The following MRC2 variants were observed in gnomAD, a reference collection of about 807,000 sequenced individuals.
MRC2 encodes C-type mannose receptor 2.
MRC2 carries 84 observed loss-of-function variants against 206.2 expected under a neutral mutation model. That is an observed-to-expected ratio of 0.41 (90% confidence interval 0.34 to 0.49). The LOEUF (loss-of-function observed/expected upper bound fraction) is 0.49. MRC2 is among the 20% of genes least tolerant of loss of function. The probability of loss-of-function intolerance (pLI) is 0.31; values close to 1 mark genes in which losing one functional copy is unlikely to be tolerated. For missense variants in MRC2, 1,676 were observed against 2,001.5 expected (o/e 0.84, Z 3.10); for synonymous variants, 798 against 800.0 (o/e 1.00, Z 0.04).
intron 1 of MRC2, among the ~76,000 whole-genome samples, chr17:62,639,778 C>A (rs1219318528): frequency 6.6e-6 from 1 of 152,140 alleles, no homozygotes; most frequent in African/African-American, 2.4e-5. Flanking sequence ...GCTTGAGCCA[C>A]AGCCTTTAGT....
chr17:62,649,723 T>C (rs1325813035), intron 1 of MRC2, among the ~76,000 whole-genome samples: 6 of 152,186 alleles, frequency 3.9e-5, no homozygotes, highest in Admixed American at 2.0e-4. Flanking sequence ...CTCAGTCATA[T>C]TGTGCTGTGC....
At chr17:62,651,536 T>C (rs1409294325) in intron 1 of MRC2, among the ~76,000 whole-genome samples, 1 of 152,202 alleles carries the variant, frequency 6.6e-6, no homozygotes, top group African/African-American at 2.4e-5. Flanking sequence ...CAAGTGTTAC[T>C]TGAAAGACCA....
At chr17:62,685,656 C>T (rs1232061702) in intron 20 of MRC2, among the ~76,000 whole-genome samples, 1 of 152,140 alleles carries the variant, frequency 6.6e-6, no homozygotes, top group African/African-American at 2.4e-5. Context: ...CCTCCTGCCT[C>T]AGCCTCCTGA....
Position 62,671,614 on chromosome 17 carries a change from C to A in MRC2, c.1118-35C>A. 1.3e-6 allele frequency: 2 copies of A among 1,524,094 alleles called. No individual in the cohort carries two copies. Among genetic ancestry groups the A allele is most frequent in the Non-Finnish European group, 1.8e-6 (2 of 1,134,110 alleles). The allele number at this position is 1,524,094 out of a possible 1,614,324, so 94.4% of individuals were successfully genotyped here. A position where few individuals can be genotyped will look rare whatever the true frequency, so the allele number is the denominator to read the frequency against. On this transcript the variant is annotated intron_variant, in intron 6 of 29. Transcript: ENST00000303375. This position sits in a 1 kb window ranked among gnomAD's most constrained non-coding sequence, Gnocchi z 4.5. ...GGGTTGGTTCCCAGACTGGGCGGCT[C>A]AGTCCCTGAGCAGCAGCCTCATGGG...
chr17:62,689,911 C>T lies in MRC2; in HGVS notation c.3591C>T (p.Ser1197=), dbSNP rs757216868. 6.2e-7 allele frequency: 1 copy of T among 1,600,576 alleles called. No individual in the cohort carries two copies. Among genetic ancestry groups the T allele is most frequent in the Non-Finnish European group, 8.5e-7 (1 of 1,174,812 alleles). Residue 1197 remains serine (S), a synonymous_variant, in exon 25 of 30, where the codon TCC becomes TCT. Coordinates refer to ENST00000303375, the MANE Select transcript of MRC2 (RefSeq NM_006039.5). ...LAGEEGSRRY[S]WVSEEPLNYV... is the part of the protein sequence containing the mutation. ...ATGCCCAGGGCTCTCGGCGGTACTC[C>T]TGGGTCTCAGAGGAGCCGCTGAACT...
chr17:62,648,669 A>G (rs2088519850), intron 1 of MRC2, among the ~76,000 whole-genome samples: 1 of 152,202 alleles, frequency 6.6e-6, no homozygotes, highest in Non-Finnish European at 1.5e-5. Context: ...AGACAGAAAC[A>G]TATGGTGGTG....
At position 62,680,087 on chromosome 17, in the gene MRC2, G is replaced by A; in HGVS notation, c.2299-83G>A. 6.3e-7 allele frequency: 1 copy of A among 1,588,910 alleles called. No individual in the cohort carries two copies. Among genetic ancestry groups the A allele is most frequent in the East Asian group, 2.2e-5 (1 of 44,664 alleles). On this transcript the variant is annotated intron_variant, in intron 14 of 29. Coordinates refer to ENST00000303375, the MANE Select transcript of MRC2 (RefSeq NM_006039.5). This position sits in a 1 kb window ranked among gnomAD's most constrained non-coding sequence, Gnocchi z 4.8. ...GGTGAGAATTCGCAGCTCAGGCCAG[G>A]CCTCTTGTTCACCTGTTCCGGGCAT...
chr17:62,677,587 C>A, intron 12 of MRC2, 101 bp downstream of exon 12: 1 of 1,053,414 alleles, frequency 9.5e-7, no homozygotes, highest in Non-Finnish European at 1.4e-6. Flanking sequence ...TCCAGAGACA[C>A]ACCAGGCTGC....
intron 20 of MRC2, among the ~76,000 whole-genome samples, chr17:62,683,337 A>G (rs2147485853): frequency 6.6e-6 from 1 of 151,858 alleles, no homozygotes; most frequent in Non-Finnish European, 1.5e-5. Flanking sequence ...GTGTGGTGGC[A>G]CATGCCTGTA....
intron 1 of MRC2, among the ~76,000 whole-genome samples, chr17:62,635,525 CTAGTTGCCTT>C (rs2088303131): frequency 6.6e-6 from 1 of 152,066 alleles, no homozygotes; most frequent in Non-Finnish European, 1.5e-5. Flanking sequence ...CTTTTTGCCT[CTAGTTGCCTT>C]TAGCCTACTG....
At chr17:62,674,001 A>G in intron 8 of MRC2, 62 bp from the exon 9 acceptor site, 1 of 1,306,426 alleles carries the variant, frequency 7.7e-7, no homozygotes, top group Non-Finnish European at 1.1e-6. Context: ...AGATTCCAAG[A>G]AGGATTTGGG....
At chr17:62,660,020 G>A (rs1205721432) in intron 1 of MRC2, among the ~76,000 whole-genome samples, 1 of 152,202 alleles carries the variant, frequency 6.6e-6, no homozygotes, top group Non-Finnish European at 1.5e-5. Flanking sequence ...GTCAGATAGC[G>A]AGTTCTGGTT....
chr17:62,664,864 C>T lies in MRC2; in HGVS notation c.435C>T (p.Gly145=), dbSNP rs1380720903. ...GARTSNISKP[G]TLERGDQTRS... ...GCACCAGCAACATATCCAAGCCTGG[C>T]ACCCTTGAGCGTGGTGACCAGACCC... The change falls in exon 2 of 30, where the codon GGC becomes GGT. Residue 145 remains glycine, a synonymous_variant. Transcript: ENST00000303375. The surrounding 1 kb of genome is among the most constrained non-coding windows in gnomAD (Gnocchi z 4.7). 1 of 1,613,658 alleles carries T rather than the reference C, an allele frequency of 6.2e-7. No individual in the cohort carries two copies. Among genetic ancestry groups the T allele is most frequent in the Non-Finnish European group, 8.5e-7 (1 of 1,180,038 alleles).
In MRC2 at chr17:62,664,060, C is replaced by T. The variant is rs538933088; in HGVS notation, c.119-488C>T. 1.3e-5 allele frequency among the ~76,000 whole-genome samples: 2 copies of T among 149,288 alleles called. No individual in the cohort carries two copies. The highest frequency in any genetic ancestry group is 2.1e-4 in the South Asian group (1 of 4,672). ...CTGCAAGCTCCGCCTCCCGGGTTCACGCCATTCTCCTGCCTCAGCCTCCCA... is the reference window on the plus strand; with the variant it reads ...CTGCAAGCTCCGCCTCCCGGGTTCATGCCATTCTCCTGCCTCAGCCTCCCA... On this transcript the variant is annotated intron_variant, in intron 1 of 29. Transcript: ENST00000303375. This position sits in a 1 kb window ranked among gnomAD's most constrained non-coding sequence, Gnocchi z 4.7.
rs760384530 is a variant in MRC2 at position 62,692,250 on chromosome 17, G to A, written c.4239G>A (p.Ala1413=). The change falls in exon 30 of 30, where the codon GCG becomes GCA. Residue 1413 remains alanine, a synonymous_variant. Coordinates refer to ENST00000303375, the MANE Select transcript of MRC2 (RefSeq NM_006039.5). This position sits in a 1 kb window ranked among gnomAD's most constrained non-coding sequence, Gnocchi z 4.2. ...TGGCAGCGCTTCCAGAGAACCCAGC[G>A]GCCCTGGTGGTGGTGCTGATGGCGG... ...FSPSALPENP[A]ALVVVLMAVL... is the part of the protein sequence containing the mutation. 5.6e-6 allele frequency: 9 copies of A among 1,609,622 alleles called. No individual in the cohort carries two copies. Among genetic ancestry groups the A allele is most frequent in the Admixed American group, 5.1e-5 (3 of 59,398 alleles).
At chr17:62,647,436 C>A (rs1404525587) in intron 1 of MRC2, among the ~76,000 whole-genome samples, 2 of 151,906 alleles carry the variant, frequency 1.3e-5, no homozygotes, top group Non-Finnish European at 2.9e-5. Context: ...CCACCCGCCT[C>A]GGCCTCCTGA....
chr17:62,690,507 C>T (rs2089094410), intron 26 of MRC2, 135 bp from the exon 27 acceptor site: 3 of 1,386,858 alleles, frequency 2.2e-6, no homozygotes, highest in Admixed American at 2.3e-5. Context: ...CACATGTGCA[C>T]ACACACACAC....
intron 1 of MRC2, among the ~76,000 whole-genome samples, chr17:62,653,510 T>C (rs2147451659): frequency 6.6e-6 from 1 of 152,248 alleles, no homozygotes; most frequent in South Asian, 2.1e-4. Flanking sequence ...AGAGTGTGAT[T>C]TAATGTCTTC....
At position 62,692,875 on chromosome 17, in the gene MRC2, T is replaced by C; in HGVS notation, c.*424T>C. ...GATCTGTTGTGTCTCTCTTCCCACC[T>C]GGCAGCCTCAGCTCTGTGCCCCTCA... On this transcript the variant is annotated 3_prime_UTR_variant, in exon 30 of 30. Transcript: ENST00000303375. This position sits in a 1 kb window ranked among gnomAD's most constrained non-coding sequence, Gnocchi z 4.2. 1 of 179,738 alleles carries C rather than the reference T, an allele frequency of 5.6e-6. No individual in the cohort carries two copies. Among genetic ancestry groups the C allele is most frequent in the Non-Finnish European group, 1.2e-5 (1 of 83,394 alleles). 11.1% of individuals were successfully genotyped at this position (179,738 alleles called of 1,614,324 possible).
Sources: allele counts gnomAD v4.1 joint callset (sites outside exome capture counted in the v4.1 genomes callset), GRCh38; gene constraint gnomAD v4.1.1; non-coding constraint Gnocchi (gnomAD v3.1); transcripts MANE v1.5; gene names NCBI Gene and HGNC (gene_info 2026-07-23, HGNC 2026-07-21).